The following ARHGAP29 variants were observed in gnomAD, a reference collection of about 807,000 sequenced individuals.
The protein encoded by ARHGAP29 is rho GTPase-activating protein 29.
Under a neutral mutation model 122.6 loss-of-function variants are expected in ARHGAP29, and 43 were observed. The ratio of observed to expected loss-of-function variants is 0.35; its 90% CI spans 0.27 to 0.45. ARHGAP29 has a LOEUF of 0.45. Ranked by LOEUF, ARHGAP29 falls within the 20% of genes least tolerant of loss-of-function variation. The probability of loss-of-function intolerance (pLI) is 1.00; values close to 1 mark genes in which losing one functional copy is unlikely to be tolerated. For missense variants in ARHGAP29, 1,303 were observed against 1,477.2 expected (o/e 0.88, Z 1.93); for synonymous variants, 506 against 497.1 (o/e 1.02, Z -0.24).
chr1:94,298,202 G>C, the ARHGAP29 span, among the ~76,000 whole-genome samples: 491 of 152,164 alleles, frequency 3.2e-3, 2 homozygotes, highest in Non-Finnish European at 5.8e-3. Flanking sequence ...ACTTATGTAC[G>C]TATACTTTAG....
At chr1:94,311,036 C>T in the ARHGAP29 span, among the ~76,000 whole-genome samples, 1 of 152,188 alleles carries the variant, frequency 6.6e-6, no homozygotes, top group African/African-American at 2.4e-5. Flanking sequence ...GAGCCTGCAC[C>T]AGATGGGGAC....
intron 3 of ARHGAP29, among the ~76,000 whole-genome samples, chr1:94,216,508 G>A (rs1412831666): frequency 6.6e-6 from 1 of 152,160 alleles, no homozygotes; most frequent in Non-Finnish European, 1.5e-5. Flanking sequence ...AGGAATGAGT[G>A]ACTAATAGTC....
Position 94,248,504 on chromosome 1 carries a change from T to A in ARHGAP29, c.-32-16861A>T, listed in dbSNP as rs375499537. Among the ~76,000 whole-genome samples the A allele has an allele frequency of 1.8e-4, 28 of 152,378 alleles. No homozygotes were observed. In the South Asian group the frequency reaches 3.3e-3, roughly 18 times the overall value. On this transcript the variant is annotated intron_variant and NMD_transcript_variant, in intron 1 of 25. Coordinates refer to the ARHGAP29 transcript ENST00000552844. Reference sequence around the variant, plus strand: ...TACTAAGAATACCTTTCCTGTCACCTGTGCTGACACATAAGCACTCCATGA... The same window carrying A: ...TACTAAGAATACCTTTCCTGTCACCAGTGCTGACACATAAGCACTCCATGA...
At chr1:94,189,156 A>G in intron 14 of ARHGAP29, 60 bp downstream of exon 14, 1 of 1,535,278 alleles carries the variant, frequency 6.5e-7, no homozygotes, top group African/African-American at 1.4e-5. Flanking sequence ...TAATTTAACA[A>G]TCACATTCGA....
At chr1:94,220,166 A>G (rs1652205195) in intron 3 of ARHGAP29, 92 bp downstream of exon 3, 1 of 1,358,176 alleles carries the variant, frequency 7.4e-7, no homozygotes, top group Non-Finnish European at 1.0e-6. Context: ...AAATGCAATG[A>G]GAGGAATTGG....
At chr1:94,226,221 T>C (rs1652603091) in intron 2 of ARHGAP29, among the ~76,000 whole-genome samples, 1 of 152,066 alleles carries the variant, frequency 6.6e-6, no homozygotes, top group African/African-American at 2.4e-5. Context: ...TCCCAATTTT[T>C]GTCGTAATGG....
Position 94,202,579 on chromosome 1 carries a change from T to C in ARHGAP29, c.1108A>G (p.Lys370Glu). 6.2e-7 allele frequency: 1 copy of C among 1,614,218 alleles called. No individual in the cohort carries two copies. Among genetic ancestry groups the C allele is most frequent in the Non-Finnish European group, 8.5e-7 (1 of 1,180,046 alleles). ...LAKNLNKQLE[K>E]KRRLEEEALQ... is the part of the protein sequence containing the mutation. ...GCCTCCTCTTCCAACCTTCGCTTTT[T>C]TTCTAGTTGCTTGTTGAGATTTTTT... Residue 370 changes from lysine (K) to glutamate (E), a missense_variant, in exon 11 of 23, where the codon AAA becomes GAA. This residue lies in a region of ARHGAP29 where 592 missense variants were observed against 648.2 expected (regional missense o/e 0.91). Transcript: ENST00000260526.
upstream of ARHGAP29, among the ~76,000 whole-genome samples, chr1:94,238,186 G>A (rs750982821): frequency 2.0e-5 from 3 of 149,306 alleles, no homozygotes; most frequent in South Asian, 2.1e-4. Context: ...TCAGCCACCT[G>A]AGTAGCTGCG....
intron 1 of ARHGAP29, among the ~76,000 whole-genome samples, chr1:94,262,783 A>G (rs1365064135): frequency 6.6e-6 from 1 of 152,224 alleles, no homozygotes; most frequent in Non-Finnish European, 1.5e-5. Context: ...AGAAAAAGAA[A>G]CACTTGTACA....
At chr1:94,217,031 C>T (rs1651988452) in intron 3 of ARHGAP29, among the ~76,000 whole-genome samples, 1 of 152,174 alleles carries the variant, frequency 6.6e-6, no homozygotes, top group South Asian at 2.1e-4. Context: ...ATTCCAATTT[C>T]TCACTTCTTA....
chr1:94,216,544 C>T (rs1355800942), intron 3 of ARHGAP29, among the ~76,000 whole-genome samples: 2 of 152,158 alleles, frequency 1.3e-5, no homozygotes, highest in Admixed American at 6.5e-5. Flanking sequence ...ACTTCATCAT[C>T]GTTCAATACC....
intron 4 of ARHGAP29, 75 bp downstream of exon 4, chr1:94,209,179 T>C: frequency 1.8e-6 from 2 of 1,091,652 alleles, no homozygotes. Context: ...TTCCCATGTA[T>C]GTTACTGGAT....
chr1:94,256,907 G>A (rs551837454), intron 1 of ARHGAP29, among the ~76,000 whole-genome samples: 2 of 151,962 alleles, frequency 1.3e-5, no homozygotes, highest in South Asian at 2.1e-4. Context: ...ATTTTACTTC[G>A]TGTATGTTTG....
upstream of ARHGAP29, among the ~76,000 whole-genome samples, chr1:94,242,593 G>A (rs1483193498): frequency 1.4e-5 from 2 of 139,872 alleles, no homozygotes; most frequent in Non-Finnish European, 3.1e-5. Context: ...CCAATAGTGG[G>A]CATAAATAGA....
intron 12 of ARHGAP29, among the ~76,000 whole-genome samples, chr1:94,196,584 T>C (rs888935801): frequency 6.6e-6 from 1 of 152,182 alleles, no homozygotes; most frequent in Non-Finnish European, 1.5e-5. Context: ...TTAAATTTTA[T>C]TGATTTCTTT....
intron 1 of ARHGAP29, among the ~76,000 whole-genome samples, chr1:94,256,949 T>C (rs920947098): frequency 6.6e-6 from 1 of 152,152 alleles, no homozygotes; most frequent in Admixed American, 6.5e-5. Context: ...ATTGCTCCTA[T>C]AGGTATATAC....
intron 3 of ARHGAP29, among the ~76,000 whole-genome samples, chr1:94,211,212 A>G (rs914868696): frequency 4.4e-5 from 6 of 137,374 alleles, no homozygotes; most frequent in African/African-American, 1.6e-4. Context: ...ACTTGAACCC[A>G]GGAGGCAGAG....
intron 1 of ARHGAP29, chr1:94,250,258 A>G (rs1654031777): frequency 6.6e-6 from 1 of 152,140 alleles, no homozygotes; most frequent in Non-Finnish European, 1.5e-5. Flanking sequence ...AGGGACCCAC[A>G]TTGTCCATCA....
chr1:94,205,713 A>C (rs2101525342), intron 5 of ARHGAP29, 30 bp from the exon 6 acceptor site: 1 of 1,597,598 alleles, frequency 6.3e-7, no homozygotes, highest in Non-Finnish European at 8.6e-7. Flanking sequence ...TAAATTTAAA[A>C]TTAGAGAAGA....
Sources: gnomAD v4.1 joint callset for allele counts (sites outside exome capture counted in the v4.1 genomes callset) on GRCh38, gnomAD v4.1.1 for gene constraint, gnomAD v4.1.1 regional missense constraint, MANE v1.5 for transcripts, NCBI Gene and HGNC (gene_info 2026-07-23, HGNC 2026-07-21) for gene names.